LRRIQ3: variants seen among roughly 807,000 people sequenced by gnomAD.
LRRIQ3 encodes the protein leucine rich repeats and IQ motif containing 3, also known as leucine-rich repeat and IQ domain-containing protein 3.
Under a neutral mutation model 59.3 loss-of-function variants are expected in LRRIQ3, and 75 were observed. The observed-to-expected ratio is 1.26, with a 90% CI of 1.05 to 1.53. The LOEUF is 1.53. Among genes scored for constraint, LRRIQ3 ranks in the 40% most tolerant of loss-of-function variants. LRRIQ3 has a pLI of 0.00. For missense variants in LRRIQ3, 831 were observed against 710.0 expected (o/e 1.17, Z -1.94); for synonymous variants, 250 against 231.3 (o/e 1.08, Z -0.73).
chr1:74,041,712 A>T lies in LRRIQ3; in HGVS notation c.1219T>A (p.Phe407Ile), dbSNP rs1296752212. Residue 407 changes from phenylalanine (F) to isoleucine (I), a missense_variant, in exon 7 of 8, where the codon TTT becomes ATT. Physicochemically the swap from Phe to Ile is conservative, Grantham distance 21. Coordinates refer to ENST00000354431, the MANE Select transcript of LRRIQ3 (RefSeq NM_001105659.2). The stretch of plus-strand genomic sequence containing the variant: ...ATACCAGCTCTTTGTGGTGCAAAAA[A>T]CTCTTTCATACTCCGCTCCAATCGT... ...DIRLERSMKE[F>I]FAPQRAGMKL... The T allele has an allele frequency of 2.3e-5, 37 of 1,611,688 alleles. No individual in the cohort carries two copies. Among genetic ancestry groups the T allele is most frequent in the Non-Finnish European group, 3.1e-5 (36 of 1,179,200 alleles).
intron 7 of LRRIQ3, among the ~76,000 whole-genome samples, chr1:74,030,667 A>T (rs1331144983): frequency 6.6e-6 from 1 of 152,168 alleles, no homozygotes; most frequent in Non-Finnish European, 1.5e-5. Flanking sequence ...CCTAAAAGAA[A>T]ACCTAGGCAA....
At chr1:74,117,856 C>T (rs1400907547) in intron 4 of LRRIQ3, among the ~76,000 whole-genome samples, 1 of 151,684 alleles carries the variant, frequency 6.6e-6, no homozygotes, top group Non-Finnish European at 1.5e-5. Flanking sequence ...ATTGACCTGG[C>T]AAATCAAATT....
chr1:74,105,879 A>C lies in LRRIQ3; in HGVS notation c.867+3515T>G, dbSNP rs564359028. ...AAGCAAATCAGCAGTTATAAAACAA[A>C]TCTTACTTTAGTAGAGCTGAATGCC... On this transcript the variant is annotated intron_variant, in intron 5 of 7. Coordinates refer to ENST00000354431, the MANE Select transcript of LRRIQ3 (RefSeq NM_001105659.2). Among the ~76,000 whole-genome samples the C allele has an allele frequency of 3.9e-4, 59 of 152,184 alleles. No homozygotes were observed. In the South Asian group the frequency reaches 4.8e-3, roughly 12 times the overall value.
At chr1:74,188,634 T>C (rs925736877) in intron 1 of LRRIQ3, among the ~76,000 whole-genome samples, 8 of 152,280 alleles carry the variant, frequency 5.3e-5, no homozygotes, top group African/African-American at 1.9e-4. Flanking sequence ...TGTTTTCCAC[T>C]AAATTATATG....
chr1:74,164,096 A>G (rs1165830556), intron 3 of LRRIQ3, among the ~76,000 whole-genome samples: 1 of 150,730 alleles, frequency 6.6e-6, no homozygotes, highest in Non-Finnish European at 1.5e-5. Context: ...ATTGTTTCAT[A>G]TGTTTTTGAC....
chr1:74,155,057 C>A (rs1648238369), intron 4 of LRRIQ3, among the ~76,000 whole-genome samples: 2 of 152,190 alleles, frequency 1.3e-5, no homozygotes, highest in Admixed American at 6.5e-5. Flanking sequence ...CCTAATCTTG[C>A]TTTATCAACA....
At chr1:74,082,183 AT>A (rs1352880686) in intron 5 of LRRIQ3, 2 of 151,612 alleles carry the variant, frequency 1.3e-5, no homozygotes, top group Admixed American at 1.3e-4. Flanking sequence ...TTTACTGATT[AT>A]TTCCCTATGT....
At chr1:74,107,690 G>A (rs930595667) in intron 5 of LRRIQ3, among the ~76,000 whole-genome samples, 39 of 150,614 alleles carry the variant, frequency 2.6e-4, no homozygotes, top group African/African-American at 8.5e-4. Flanking sequence ...AAGATTGAAG[G>A]ACAATTTTAT....
intron 4 of LRRIQ3, among the ~76,000 whole-genome samples, chr1:74,122,219 A>G (rs1174984314): frequency 2.0e-5 from 3 of 152,028 alleles, no homozygotes; most frequent in Non-Finnish European, 4.4e-5. Context: ...AAGTGTTCCT[A>G]TTTCTCCACA....
rs199837069 is a variant in LRRIQ3, at chr1:74,111,205, GA to G, written c.708-1653del. Among the ~76,000 whole-genome samples, 1,372 of 145,822 alleles carry G rather than the reference GA, an allele frequency of 9.4e-3. 16 individuals carry two copies. Among genetic ancestry groups the G allele is most frequent in the Admixed American group, 0.022 (317 of 14,688 alleles). On this transcript the variant is annotated intron_variant, in intron 4 of 7. Transcript: ENST00000354431. ...ATGCTCAATATGTGCCCTGTGAAGA[GA>G]AAAAAAAAAGTTTCTACCATGATGA... is the stretch of plus-strand genomic sequence containing the variant.
intron 4 of LRRIQ3, among the ~76,000 whole-genome samples, chr1:74,115,189 A>G (rs982598058): frequency 6.6e-6 from 1 of 152,116 alleles, no homozygotes; most frequent in East Asian, 1.9e-4. Flanking sequence ...TCATTCATTC[A>G]TTCAAAAAAC....
chr1:74,045,686 T>G (rs766723764), intron 6 of LRRIQ3, among the ~76,000 whole-genome samples: 15 of 152,174 alleles, frequency 9.9e-5, no homozygotes, highest in Admixed American at 2.6e-4. Context: ...TGTTTGCAGA[T>G]GACATGATTG....
chr1:74,184,253 T>C (rs1181475523), intron 1 of LRRIQ3, among the ~76,000 whole-genome samples: 1 of 152,094 alleles, frequency 6.6e-6, no homozygotes, highest in African/African-American at 2.4e-5. Flanking sequence ...ATTAGGAAAT[T>C]AGGCTCAGAA....
At chr1:74,032,223 A>T (rs1480911298) in intron 7 of LRRIQ3, among the ~76,000 whole-genome samples, 1 of 152,082 alleles carries the variant, frequency 6.6e-6, no homozygotes, top group Non-Finnish European at 1.5e-5. Context: ...AATTTATATG[A>T]AAATGCAAAG....
chr1:74,037,641 A>C (rs2100377961), intron 7 of LRRIQ3, among the ~76,000 whole-genome samples: 1 of 152,266 alleles, frequency 6.6e-6, no homozygotes, highest in East Asian at 1.9e-4. Context: ...AAAACAAAAC[A>C]AAACAAAAAA....
chr1:74,097,954 C>A (rs534460311), intron 5 of LRRIQ3, among the ~76,000 whole-genome samples: 1 of 152,206 alleles, frequency 6.6e-6, no homozygotes, highest in East Asian at 1.9e-4. Flanking sequence ...CAAAAATTTG[C>A]CGAATTGTAA....
chr1:74,089,040 G>A (rs1486755332), intron 5 of LRRIQ3, among the ~76,000 whole-genome samples: 1 of 151,878 alleles, frequency 6.6e-6, no homozygotes, highest in Non-Finnish European at 1.5e-5. Flanking sequence ...TATATAAAGG[G>A]ACAATAAATA....
At chr1:74,190,964 T>C (rs1174170157) in intron 1 of LRRIQ3, among the ~76,000 whole-genome samples, 1 of 152,158 alleles carries the variant, frequency 6.6e-6, no homozygotes, top group Non-Finnish European at 1.5e-5. Flanking sequence ...TGCCGCCATG[T>C]AAGATATGCC....
At chr1:74,075,770 T>C (rs778484993) in intron 5 of LRRIQ3, among the ~76,000 whole-genome samples, 1 of 152,134 alleles carries the variant, frequency 6.6e-6, no homozygotes, top group Non-Finnish European at 1.5e-5. Context: ...CATCAGGTTA[T>C]CAGGGACATA....
Sources: gnomAD v4.1 joint callset for allele counts (sites outside exome capture counted in the v4.1 genomes callset) on GRCh38, gnomAD v4.1.1 for gene constraint, MANE v1.5 for transcripts, NCBI Gene and HGNC (gene_info 2026-07-23, HGNC 2026-07-21) for gene names.